The following MPO variants were observed in gnomAD, a reference collection of about 807,000 sequenced individuals.
MPO encodes the protein myeloperoxidase.
A neutral mutation model predicts 69.4 loss-of-function variants in MPO; 57 were observed. The observed-to-expected ratio is 0.82, with a 90% CI of 0.66 to 1.02. The LOEUF is 1.02. Ranked by LOEUF, MPO falls within the 50% of genes least tolerant of loss-of-function variation. The pLI is 0.00. For missense variants in MPO, 971 were observed against 1,014.1 expected (o/e 0.96, Z 0.58); for synonymous variants, 426 against 417.1 (o/e 1.02, Z -0.26).
Position 58,275,848 on chromosome 17 carries a change from A to G in MPO, c.1205-146T>C. On this transcript the variant is annotated intron_variant, in intron 7 of 11. Coordinates refer to ENST00000225275, the MANE Select transcript of MPO (RefSeq NM_000250.2). The surrounding 1 kb of genome is among the most constrained non-coding windows in gnomAD (Gnocchi z 4.1). ...CATCTTTTCAAACTATCCCCAATTTACACTCCTCTAGGAGGCCTTCCCTGA... is the reference window on the plus strand; with the variant it reads ...CATCTTTTCAAACTATCCCCAATTTGCACTCCTCTAGGAGGCCTTCCCTGA... The G allele has an allele frequency of 9.9e-7, 1 of 1,010,444 alleles. No homozygotes were observed. Among genetic ancestry groups the G allele is most frequent in the Non-Finnish European group, 1.5e-6 (1 of 670,196 alleles). The allele number at this position is 1,010,444 out of a possible 1,614,324, so 62.6% of individuals were successfully genotyped here.
chr17:58,277,875 G>C lies in MPO; in HGVS notation c.1156C>G (p.Pro386Ala). 2 of 1,609,026 alleles carry C rather than the reference G, an allele frequency of 1.2e-6. No individual in the cohort carries two copies. The highest frequency in any genetic ancestry group is 1.7e-4 in the Middle Eastern group (1 of 5,960). Reference sequence around the variant, plus strand: ...GCTGAGCGGTTGGTGAGGAGACAGGGGTCATCGTGCAGGTTGTCAAAGGGC... The same window carrying C: ...GCTGAGCGGTTGGTGAGGAGACAGGCGTCATCGTGCAGGTTGTCAAAGGGC... ...LLPFDNLHDDPCLLTNRSARI... is the reference protein window; with the variant it reads ...LLPFDNLHDDACLLTNRSARI... Residue 386 changes from proline to alanine, a missense_variant, in exon 7 of 12, where the codon CCC becomes GCC. Coordinates refer to ENST00000225275, the MANE Select transcript of MPO (RefSeq NM_000250.2).
chr17:58,278,160 G>A lies in MPO; in HGVS notation c.886-15C>T. On this transcript the variant is annotated splice_polypyrimidine_tract_variant and intron_variant, in intron 6 of 11. Transcript: ENST00000225275. ...TTGGGCGGGATCTGAGGCACAGAGA[G>A]AGGCTAGACTGGCTCACCGAGGGCA... The A allele has an allele frequency of 2.5e-6, 4 of 1,599,984 alleles. No homozygotes were observed. Among genetic ancestry groups the A allele is most frequent in the South Asian group, 1.1e-5 (1 of 91,068 alleles).
At chr17:58,273,752 T>G in intron 8 of MPO, 83 bp from the exon 9 acceptor site, 1 of 1,602,374 alleles carries the variant, frequency 6.2e-7, no homozygotes, top group Middle Eastern at 1.7e-4. Context: ...GGCCAGAGTC[T>G]CTGCCTGCTC....
chr17:58,280,333 TTGCCCAGAGCTGGGCAG>T lies in MPO; in HGVS notation c.248+16_248+32del. On this transcript the variant is annotated intron_variant, in intron 2 of 11. Coordinates refer to ENST00000225275, the MANE Select transcript of MPO (RefSeq NM_000250.2). ...CTTCTCTGAAAGGCCTGGGACATCC[TTGCCCAGAGCTGGGCAG>T]TGCCTCGTGCCCCACCTTTCCCGCC... 1.2e-6 allele frequency: 2 copies of T among 1,601,224 alleles called. No individual in the cohort carries two copies. Among genetic ancestry groups the T allele is most frequent in the Non-Finnish European group, 1.7e-6 (2 of 1,168,516 alleles).
intron 6 of MPO, 89 bp from the exon 7 acceptor site, chr17:58,278,234 T>C: frequency 6.8e-7 from 1 of 1,475,852 alleles, no homozygotes; most frequent in Non-Finnish European, 9.2e-7. Flanking sequence ...TCAGGACCTC[T>C]GGTACCCTCA....
At chr17:58,271,603 C>T (rs571367181) in intron 11 of MPO, 52 bp downstream of exon 11, 1 of 1,578,296 alleles carries the variant, frequency 6.3e-7, no homozygotes, top group Admixed American at 1.7e-5. Context: ...CCAAGAGAGT[C>T]AAGGATGGGC....
intron 2 of MPO, 65 bp downstream of exon 2, chr17:58,280,301 C>T: frequency 6.5e-7 from 1 of 1,535,692 alleles, no homozygotes; most frequent in Non-Finnish European, 9.0e-7. Context: ...CTCCCTGCTG[C>T]CTGCTGCTTC....
At chr17:58,274,398 C>A (rs1437338492) in intron 8 of MPO, among the ~76,000 whole-genome samples, 88 of 143,194 alleles carry the variant, frequency 6.1e-4, no homozygotes, top group African/African-American at 2.3e-3. Flanking sequence ...GTGTGTATGT[C>A]TGCCTCTGCC....
chr17:58,271,625 C>G, intron 11 of MPO, 30 bp downstream of exon 11: 11 of 1,606,862 alleles, frequency 6.8e-6, no homozygotes, highest in Non-Finnish European at 9.4e-6. Flanking sequence ...CACAGCCACC[C>G]AGCGGCCCAC....
chr17:58,271,513 G>A, intron 11 of MPO, 142 bp downstream of exon 11: 1 of 841,484 alleles, frequency 1.2e-6, no homozygotes, highest in Non-Finnish European at 1.9e-6. Context: ...GCACTCCAGG[G>A]CATCTGGAGG....
intron 11 of MPO, 143 bp downstream of exon 11, chr17:58,271,512 G>T: frequency 1.2e-6 from 1 of 841,360 alleles, no homozygotes; most frequent in Non-Finnish European, 1.9e-6. Flanking sequence ...GGCACTCCAG[G>T]GCATCTGGAG....
rs1468583627 is a variant in MPO, at chr17:58,275,549, A to G, written c.1358T>C (p.Met453Thr). The G allele has an allele frequency of 6.2e-7, 1 of 1,614,056 alleles. No individual in the cohort carries two copies. The highest frequency in any genetic ancestry group is 8.5e-7 in the Non-Finnish European group (1 of 1,180,022). The change falls in exon 8 of 12, where the codon ATG becomes ACG. Residue 453 changes from methionine to threonine, a missense_variant. Met to Thr is a moderately conservative substitution (Grantham distance 81). Coordinates refer to ENST00000225275, the MANE Select transcript of MPO (RefSeq NM_000250.2). The surrounding 1 kb of genome is among the most constrained non-coding windows in gnomAD (Gnocchi z 4.1). ...YQEARKIVGA[M>T]VQIITYRDYL... ...GTGTTCAAGACGGCCTACCTGGACC[A>G]TGGCCCCCACGATCTTCCGGGCTTC...
In MPO at chr17:58,278,116, G is replaced by T. The variant is rs771627439; in HGVS notation, c.915C>A (p.Asn305Lys). Residue 305 changes from asparagine to lysine, a missense_variant, in exon 7 of 12, where the codon AAC becomes AAA. By Grantham distance (94) the Asn-to-Lys change is moderately conservative (BLOSUM62 0). Coordinates refer to ENST00000225275, the MANE Select transcript of MPO (RefSeq NM_000250.2). ...GGAAGAACGGGATGCAGTCGGCTTGGTTCTTGATGCGGGGGTCATTGGGCG... is the reference window on the plus strand; with the variant it reads ...GGAAGAACGGGATGCAGTCGGCTTGTTTCTTGATGCGGGGGTCATTGGGCG... ...KIPPNDPRIK[N>K]QADCIPFFRS... The T allele has an allele frequency of 2.1e-5, 34 of 1,603,980 alleles. No individual in the cohort carries two copies. In the Admixed American group the frequency reaches 5.5e-4, roughly 26 times the overall value.
rs780457377 is a variant in MPO at position 58,271,804 on chromosome 17, C to T, written c.1881G>A (p.Ala627=). ...TGCCATACTGCTCCATCAGTTTCCTCGCCAATTTCAGGTTCCTCAGCACCG... is the reference window on the plus strand; with the variant it reads ...TGCCATACTGCTCCATCAGTTTCCTTGCCAATTTCAGGTTCCTCAGCACCG... The part of the protein sequence containing the change: ...LGTVLRNLKL[A]RKLMEQYGTP... Residue 627 remains alanine (A), a synonymous_variant, in exon 11 of 12, where the codon GCG becomes GCA. Transcript: ENST00000225275. The T allele has an allele frequency of 5.0e-6, 8 of 1,614,062 alleles. No individual in the cohort carries two copies. Among genetic ancestry groups the T allele is most frequent in the African/African-American group, 2.7e-5 (2 of 74,940 alleles).
rs55893734 is a variant in MPO, at chr17:58,274,347, A to AGTGTGTGTGTGT, written c.1366-690_1366-679dup. 1.1e-3 allele frequency: 367 copies of AGTGTGTGTGTGT among 334,730 alleles called. 2 individuals are homozygous for AGTGTGTGTGTGT. The highest frequency in any genetic ancestry group is 5.1e-3 in the East Asian group (59 of 11,596). 20.7% of individuals were successfully genotyped at this position (334,730 alleles called of 1,614,324 possible). ...AAAACTCTCTCCTCCAGAATCTAGG[A>AGTGTGTGTGTGT]GTGTGTGTGTGTGTGTGTGTGTGTG... is the stretch of plus-strand genomic sequence containing the variant. On this transcript the variant is annotated intron_variant, in intron 8 of 11. Transcript: ENST00000225275.
Position 58,280,783 on chromosome 17 carries a change from C to G in MPO, c.-25G>C, listed in dbSNP as rs11575867. On this transcript the variant is annotated 5_prime_UTR_variant, in exon 1 of 12. Coordinates refer to ENST00000225275, the MANE Select transcript of MPO (RefSeq NM_000250.2). ...TCTCTCTTCTCCTGGGCTGCTCAAT[C>G]CCCCTTTGTACCTCAGCCCCACCTC... 6.2e-7 allele frequency: 1 copy of G among 1,613,592 alleles called. No homozygotes were observed. The highest frequency in any genetic ancestry group is 1.7e-5 in the Admixed American group (1 of 59,964).
At position 58,275,596 on chromosome 17, in the gene MPO, C is replaced by A; in HGVS notation, c.1311G>T (p.Trp437Cys). 6.2e-7 allele frequency: 1 copy of A among 1,614,176 alleles called. No homozygotes were observed. Among genetic ancestry groups the A allele is most frequent in the Non-Finnish European group, 8.5e-7 (1 of 1,180,032 alleles). The change falls in exon 8 of 12, where the codon TGG (tryptophan) becomes TGT (cysteine). Residue 437 changes from tryptophan to cysteine, a missense_variant. Coordinates refer to ENST00000225275, the MANE Select transcript of MPO (RefSeq NM_000250.2). This position sits in a 1 kb window ranked among gnomAD's most constrained non-coding sequence, Gnocchi z 4.1. The stretch of plus-strand genomic sequence containing the variant: ...CTTCCTGGTAGAGCCTCTCCCCATC[C>A]CACCTAGGGTTCAGGCTCTTGAGCT... The part of the protein sequence containing the change: ...ATELKSLNPR[W>C]DGERLYQEAR...
intron 10 of MPO, among the ~76,000 whole-genome samples, 154 bp from the exon 11 acceptor site, chr17:58,272,046 T>C (rs960721965): frequency 1.3e-5 from 2 of 152,166 alleles, no homozygotes; most frequent in African/African-American, 4.8e-5. Flanking sequence ...GGGAAGGACC[T>C]CACCTCAAGG....
At chr17:58,271,983 C>G in intron 10 of MPO, 91 bp from the exon 11 acceptor site, 1 of 1,387,950 alleles carries the variant, frequency 7.2e-7, no homozygotes. Flanking sequence ...ATTCACATAT[C>G]GCCAGCAGCC....
Sources: allele counts gnomAD v4.1 joint callset (sites outside exome capture counted in the v4.1 genomes callset), GRCh38; gene constraint gnomAD v4.1.1; non-coding constraint Gnocchi (gnomAD v3.1); transcripts MANE v1.5; gene names NCBI Gene and HGNC (gene_info 2026-07-23, HGNC 2026-07-21).